Variants in MYO16 observed in about 807,000 individuals in gnomAD.
MYO16 encodes myosin XVI.
In MYO16, 94 loss-of-function variants were observed where a neutral mutation model predicts 205.3. That is an observed-to-expected ratio of 0.46 (90% confidence interval 0.39 to 0.54). The LOEUF (loss-of-function observed/expected upper bound fraction) is 0.54, where lower values mean the gene tolerates loss of function less well. Among genes scored for constraint, MYO16 ranks in the 20% least tolerant of loss-of-function variants. The pLI, the probability that MYO16 is intolerant of heterozygous loss-of-function variation, is 0.00. For missense variants in MYO16, 2,315 were observed against 2,387.5 expected, an observed-to-expected ratio of 0.97 and a Z score of 0.63; for synonymous variants, 988 against 954.0, an observed-to-expected ratio of 1.04 and a Z score of -0.66.
intron 34 of MYO16, among the ~76,000 whole-genome samples, chr13:109,182,259 T>TC (rs1879489272): frequency 1.3e-5 from 2 of 152,152 alleles, no homozygotes; most frequent in Admixed American, 1.3e-4. Flanking sequence ...GGGAAGGGAC[T>TC]CCCTCTTCCT....
chr13:108,843,078 T>C (rs1877330812), intron 9 of MYO16, among the ~76,000 whole-genome samples: 1 of 151,720 alleles, frequency 6.6e-6, no homozygotes, highest in Admixed American at 6.6e-5. Flanking sequence ...AGTAGAACCG[T>C]GGCTGCCAGT....
intron 6 of MYO16, among the ~76,000 whole-genome samples, chr13:108,803,013 G>A (rs923490833): frequency 3.9e-5 from 6 of 152,168 alleles, no homozygotes; most frequent in South Asian, 2.1e-4. Context: ...TCTGAGAAGC[G>A]AAGCATTTAT....
At chr13:108,796,765 T>A (rs1359697262) in intron 6 of MYO16, among the ~76,000 whole-genome samples, 1 of 90,542 alleles carries the variant, frequency 1.1e-5, no homozygotes, top group Non-Finnish European at 2.2e-5. Context: ...TGGGGCCTGT[T>A]GTGGGGTGGG....
intron 31 of MYO16, among the ~76,000 whole-genome samples, chr13:109,136,376 A>T (rs890010504): frequency 6.6e-6 from 1 of 152,144 alleles, no homozygotes; most frequent in African/African-American, 2.4e-5. Context: ...TGCAGGCATG[A>T]GTCACTGTGC....
intron 4 of MYO16, among the ~76,000 whole-genome samples, chr13:108,734,554 A>AAT (rs140138201): frequency 0.048 from 7,259 of 152,348 alleles, 215 homozygotes; most frequent in Middle Eastern, 0.11. Flanking sequence ...TAGTTAGAAT[A>AAT]ATCGGAAAGG....
At chr13:108,795,503 T>C (rs147216216) in intron 6 of MYO16, among the ~76,000 whole-genome samples, 20 of 152,326 alleles carry the variant, frequency 1.3e-4, no homozygotes, top group South Asian at 2.1e-4. Context: ...TTACCGCGCC[T>C]GGCCAGCTTC....
chr13:108,803,249 G>T (rs1887018703), intron 6 of MYO16, among the ~76,000 whole-genome samples: 1 of 152,130 alleles, frequency 6.6e-6, no homozygotes, highest in Non-Finnish European at 1.5e-5. Flanking sequence ...CCTGTCCAGA[G>T]CAATTGATCC....
At chr13:108,506,331 T>A in the MYO16 span, among the ~76,000 whole-genome samples, 2 of 152,284 alleles carry the variant, frequency 1.3e-5, no homozygotes, top group African/African-American at 4.8e-5. Flanking sequence ...CTTCATAAAT[T>A]TCTTTCAGCA....
chr13:108,590,409 T>C, the MYO16 span, among the ~76,000 whole-genome samples: 1 of 152,224 alleles, frequency 6.6e-6, no homozygotes, highest in Non-Finnish European at 1.5e-5. Flanking sequence ...TTCTAAAGAA[T>C]AGTCAGTATG....
Position 108,823,188 on chromosome 13 carries a change from A to T in MYO16, c.1007A>T (p.Lys336Ile). Residue 336 changes from lysine to isoleucine, a missense_variant, in exon 9 of 35, where the codon AAA (lysine) becomes ATA (isoleucine). Coordinates refer to ENST00000457511, the MANE Select transcript of MYO16 (RefSeq NM_001198950.3). Reference protein sequence around the residue: ...LLKAEIAWEEKMKEPLSASTL... With the variant: ...LLKAEIAWEEIMKEPLSASTL... The stretch of plus-strand genomic sequence containing the variant: ...AAAGCCGAAATTGCCTGGGAAGAAA[A>T]AATGAAAGAGCCTTTATCTGCTTCT... 1 of 1,613,178 alleles carries T rather than the reference A, an allele frequency of 6.2e-7. No individual in the cohort carries two copies. Among genetic ancestry groups the T allele is most frequent in the Non-Finnish European group, 8.5e-7 (1 of 1,179,538 alleles).
At chr13:108,786,003 A>G (rs1886446801) in intron 5 of MYO16, among the ~76,000 whole-genome samples, 2 of 152,240 alleles carry the variant, frequency 1.3e-5, no homozygotes, top group African/African-American at 4.8e-5. Flanking sequence ...TCTAAAGTCC[A>G]TAATTAGTGG....
chr13:108,871,743 A>C (rs1000077488), intron 12 of MYO16, among the ~76,000 whole-genome samples: 6 of 152,256 alleles, frequency 3.9e-5, no homozygotes, highest in South Asian at 2.1e-4. Flanking sequence ...ACTTTCTGTG[A>C]TGCTGCTGAG....
intron 5 of MYO16, among the ~76,000 whole-genome samples, chr13:108,788,050 T>A (rs1041325473): frequency 5.3e-5 from 8 of 152,216 alleles, no homozygotes; most frequent in Non-Finnish European, 8.8e-5. Flanking sequence ...ATGAGATTTT[T>A]ATTATTATTT....
chr13:108,677,536 T>C (rs1461363635), intron 2 of MYO16, among the ~76,000 whole-genome samples: 2 of 151,806 alleles, frequency 1.3e-5, no homozygotes, highest in Non-Finnish European at 2.9e-5. Context: ...TGCACATATA[T>C]ATTTATTTTA....
chr13:108,596,711 C>T (rs898411344), intron 1 of MYO16, among the ~76,000 whole-genome samples: 2 of 152,088 alleles, frequency 1.3e-5, no homozygotes, highest in Non-Finnish European at 2.9e-5. Flanking sequence ...AAAACTGACA[C>T]CTTTTTTTTA....
chr13:108,677,354 T>G (rs948078235), intron 2 of MYO16, among the ~76,000 whole-genome samples: 1 of 88,670 alleles, frequency 1.1e-5, no homozygotes, highest in African/African-American at 4.3e-5. Context: ...TATATATATA[T>G]GCATATATAT....
the MYO16 span, among the ~76,000 whole-genome samples, chr13:108,503,344 G>A: frequency 6.6e-6 from 1 of 152,120 alleles, no homozygotes; most frequent in African/African-American, 2.4e-5. Flanking sequence ...GCCTCTGCCG[G>A]GAGCCGACGA....
chr13:109,071,929 A>G (rs546062072), intron 27 of MYO16, among the ~76,000 whole-genome samples: 1 of 152,162 alleles, frequency 6.6e-6, no homozygotes. Flanking sequence ...TGCCATAATC[A>G]CCTTCCCACA....
At chr13:108,624,177 T>C (rs1879647350) in intron 1 of MYO16, among the ~76,000 whole-genome samples, 1 of 152,178 alleles carries the variant, frequency 6.6e-6, no homozygotes, top group Non-Finnish European at 1.5e-5. Flanking sequence ...ATTAAGAATA[T>C]CTTTTAGATC....
Sources: gnomAD v4.1 joint callset for allele counts (sites outside exome capture counted in the v4.1 genomes callset) on GRCh38, gnomAD v4.1.1 for gene constraint, MANE v1.5 for transcripts, NCBI Gene and HGNC (gene_info 2026-07-23, HGNC 2026-07-21) for gene names.